The following TLN2 variants were observed in gnomAD, a reference collection of about 807,000 sequenced individuals.
TLN2 encodes talin-2.
TLN2 carries 118 observed loss-of-function variants against 294.7 expected under a neutral mutation model. That is an observed-to-expected ratio of 0.40 (90% confidence interval 0.34 to 0.47). The LOEUF (loss-of-function observed/expected upper bound fraction) is 0.47, where lower values mean the gene tolerates loss of function less well. Among genes scored for constraint, TLN2 ranks in the 20% least tolerant of loss-of-function variants. The probability of loss-of-function intolerance (pLI) is 0.84; values close to 1 mark genes in which losing one functional copy is unlikely to be tolerated. For synonymous variants in TLN2, 1,431 were observed against 1,304.5 expected (o/e 1.10, Z -2.09); for missense variants, 3,083 against 3,282.2 (o/e 0.94, Z 1.48).
At chr15:62,597,995 G>A (rs1181383894) in intron 2 of TLN2, among the ~76,000 whole-genome samples, 1 of 152,140 alleles carries the variant, frequency 6.6e-6, no homozygotes. Context: ...TTTCAGATTA[G>A]GTATGCTCAA....
chr15:62,689,186 T>A (rs1005185552), intron 12 of TLN2, among the ~76,000 whole-genome samples: 1 of 152,100 alleles, frequency 6.6e-6, no homozygotes, highest in Non-Finnish European at 1.5e-5. Context: ...GTGGTTATTT[T>A]GGATATTACC....
intron 57 of TLN2, among the ~76,000 whole-genome samples, chr15:62,837,945 C>A (rs2069961960): frequency 6.6e-6 from 1 of 152,042 alleles, no homozygotes; most frequent in African/African-American, 2.4e-5. Flanking sequence ...GGGCGCTGGA[C>A]AAGAAATAAG....
chr15:62,545,204 C>T (rs1010805406), intron 1 of TLN2, among the ~76,000 whole-genome samples: 1 of 151,984 alleles, frequency 6.6e-6, no homozygotes, highest in Non-Finnish European at 1.5e-5. Flanking sequence ...TTCCGGAGTG[C>T]TGGGATTACA....
chr15:62,708,891 C>A, intron 21 of TLN2, 95 bp downstream of exon 21: 1 of 1,415,746 alleles, frequency 7.1e-7, no homozygotes, highest in Non-Finnish European at 9.4e-7. Context: ...GCCTGGATGA[C>A]TGGCAAGGGC....
intron 3 of TLN2, among the ~76,000 whole-genome samples, chr15:62,631,330 G>C (rs898487982): frequency 4.6e-5 from 7 of 152,174 alleles, no homozygotes; most frequent in Admixed American, 4.6e-4. Flanking sequence ...AACCGTAATA[G>C]AGGAAGCTTG....
intron 1 of TLN2, among the ~76,000 whole-genome samples, chr15:62,391,226 C>T (rs1293933198): frequency 1.3e-5 from 2 of 152,272 alleles, no homozygotes; most frequent in Non-Finnish European, 2.9e-5. Flanking sequence ...GCTAAGACAG[C>T]CCGCCAGTGC....
At chr15:62,610,976 G>A (rs2047865792) in intron 2 of TLN2, among the ~76,000 whole-genome samples, 1 of 152,134 alleles carries the variant, frequency 6.6e-6, no homozygotes, top group East Asian at 1.9e-4. Context: ...CCTTTTCTGG[G>A]CCACCATGGC....
chr15:62,663,958 G>C (rs922424020), intron 9 of TLN2, among the ~76,000 whole-genome samples: 4 of 151,968 alleles, frequency 2.6e-5, no homozygotes, highest in African/African-American at 7.2e-5. Context: ...AACTAGTCAA[G>C]GCTCAAGAAT....
chr15:62,549,147 T>G (rs899890530), intron 1 of TLN2, among the ~76,000 whole-genome samples: 6 of 152,150 alleles, frequency 3.9e-5, no homozygotes, highest in African/African-American at 1.2e-4. Flanking sequence ...GTGTAAAACA[T>G]GAATGGCTTT....
At chr15:62,806,033 T>A (rs574997102) in intron 51 of TLN2, among the ~76,000 whole-genome samples, 16 of 152,018 alleles carry the variant, frequency 1.1e-4, no homozygotes, top group East Asian at 3.9e-4. Flanking sequence ...TTAAAAAAAA[T>A]TTTTTTTAAG....
chr15:62,631,699 TTCTC>T (rs1355630273), intron 3 of TLN2, among the ~76,000 whole-genome samples: 16 of 146,652 alleles, frequency 1.1e-4, no homozygotes, highest in East Asian at 8.4e-4. Flanking sequence ...CTTTCTTTCT[TTCTC>T]TCCCTCCCTC....
intron 36 of TLN2, chr15:62,754,427 A>G (rs1232467028): frequency 6.6e-6 from 1 of 152,302 alleles, no homozygotes; most frequent in African/African-American, 2.4e-5. Context: ...GTTGGGTAGA[A>G]TCTGCAGCAC....
chr15:62,755,364 T>C, intron 36 of TLN2, 168 bp from the exon 37 acceptor site: 1 of 750,144 alleles, frequency 1.3e-6, no homozygotes, highest in East Asian at 2.9e-5. Context: ...TTAAGATTTC[T>C]TGCCCTCCTC....
intron 1 of TLN2, among the ~76,000 whole-genome samples, chr15:62,581,816 G>C (rs925321182): frequency 6.6e-6 from 1 of 152,102 alleles, no homozygotes; most frequent in Non-Finnish European, 1.5e-5. Context: ...GGCCGAGGCA[G>C]GCAGATCACC....
At chr15:62,446,708 C>T (rs192197069) in intron 1 of TLN2, among the ~76,000 whole-genome samples, 3 of 152,000 alleles carry the variant, frequency 2.0e-5, no homozygotes, top group African/African-American at 7.3e-5. Flanking sequence ...TGATTTTTAC[C>T]GTTGGGTCTA....
intron 45 of TLN2, 72 bp downstream of exon 45, chr15:62,783,962 A>T: frequency 6.3e-7 from 1 of 1,593,430 alleles, no homozygotes; most frequent in Non-Finnish European, 8.6e-7. Context: ...ATTTCTTCAT[A>T]GCTTAGCTCC....
chr15:62,441,569 A>T (rs1033040336), intron 1 of TLN2, among the ~76,000 whole-genome samples: 1 of 152,238 alleles, frequency 6.6e-6, no homozygotes, highest in African/African-American at 2.4e-5. Context: ...CCCCACACAA[A>T]GCAATTCTCC....
At chr15:62,647,522 C>A in intron 4 of TLN2, 76 bp downstream of exon 4, 1 of 1,595,872 alleles carries the variant, frequency 6.3e-7, no homozygotes, top group Non-Finnish European at 8.6e-7. Context: ...GAGACAGAGG[C>A]TCCAAGTGGT....
chr15:62,691,186 A>G (rs1176541383), intron 12 of TLN2, among the ~76,000 whole-genome samples: 1 of 152,028 alleles, frequency 6.6e-6, no homozygotes, highest in Non-Finnish European at 1.5e-5. Context: ...CAGCTACTCT[A>G]TTTTTATCCA....
Sources: allele counts gnomAD v4.1 joint callset (sites outside exome capture counted in the v4.1 genomes callset), GRCh38; gene constraint gnomAD v4.1.1; transcripts MANE v1.5; gene names NCBI Gene and HGNC (gene_info 2026-07-23, HGNC 2026-07-21).